Variants in CPNE5 observed in about 807,000 individuals in gnomAD.
The protein encoded by CPNE5 is copine-5.
Under a neutral mutation model 81.1 loss-of-function variants are expected in CPNE5, and 42 were observed. The ratio of observed to expected loss-of-function variants is 0.52; its 90% CI spans 0.40 to 0.67. CPNE5 has a LOEUF of 0.67. Among genes scored for constraint, CPNE5 ranks in the 30% least tolerant of loss-of-function variants. The pLI is 0.00. For missense variants in CPNE5, 612 were observed against 815.5 expected, an observed-to-expected ratio of 0.75 and a Z score of 3.04; for synonymous variants, 313 against 321.5, an observed-to-expected ratio of 0.97 and a Z score of 0.28.
intron 12 of CPNE5, among the ~76,000 whole-genome samples, chr6:36,757,913 G>A (rs965652786): frequency 3.9e-5 from 6 of 152,120 alleles, no homozygotes; most frequent in African/African-American, 1.4e-4. Flanking sequence ...AAGCTGGGCT[G>A]GTTGGAGGAG....
At chr6:36,744,796 G>C (rs1408423704) in intron 18 of CPNE5, among the ~76,000 whole-genome samples, 8 of 152,208 alleles carry the variant, frequency 5.3e-5, no homozygotes, top group African/African-American at 1.9e-4. Context: ...GAGCTCACCA[G>C]CCAGATCTCT....
intron 9 of CPNE5, among the ~76,000 whole-genome samples, chr6:36,775,544 T>C (rs236421): frequency 0.94 from 142,406 of 152,268 alleles, 66,693 homozygotes; most frequent in East Asian, 0.99. Flanking sequence ...GTGCCTGCTG[T>C]TCCCCTGGCC....
intron 16 of CPNE5, 64 bp from the exon 17 acceptor site, chr6:36,745,579 G>A: frequency 6.6e-7 from 1 of 1,519,732 alleles, no homozygotes. Flanking sequence ...CGATGTGTGG[G>A]AACTGAGTCC....
intron 8 of CPNE5, among the ~76,000 whole-genome samples, chr6:36,791,231 T>C (rs1769064482): frequency 6.6e-6 from 1 of 152,182 alleles, no homozygotes; most frequent in African/African-American, 2.4e-5. Flanking sequence ...AGAATCAAGC[T>C]GACCTGGAGT....
chr6:36,768,980 G>A (rs961040383), intron 10 of CPNE5, among the ~76,000 whole-genome samples: 5 of 152,134 alleles, frequency 3.3e-5, no homozygotes, highest in African/African-American at 1.2e-4. Context: ...CTATCTCCAC[G>A]TACAGTCAGC....
At chr6:36,832,408 C>T (rs1773048141) in intron 1 of CPNE5, among the ~76,000 whole-genome samples, 1 of 152,104 alleles carries the variant, frequency 6.6e-6, no homozygotes, top group Non-Finnish European at 1.5e-5. Context: ...AGCTTTGGCC[C>T]CTGAAATAGA....
intron 12 of CPNE5, among the ~76,000 whole-genome samples, chr6:36,756,936 G>C (rs547495504): frequency 6.6e-6 from 1 of 152,318 alleles, no homozygotes; most frequent in African/African-American, 2.4e-5. Context: ...CTCAACCAGG[G>C]GCGATTTTAC....
At chr6:36,785,934 A>G (rs1582881067) in intron 8 of CPNE5, among the ~76,000 whole-genome samples, 1 of 143,492 alleles carries the variant, frequency 7.0e-6, no homozygotes, top group South Asian at 2.2e-4. Flanking sequence ...AATTGCTTGA[A>G]CCCGGGAGGA....
At chr6:36,743,243 G>C in intron 20 of CPNE5, 1 of 985,370 alleles carries the variant, frequency 1.0e-6, no homozygotes, top group Non-Finnish European at 1.2e-6. Flanking sequence ...ATTCCCTGAG[G>C]ACAAAGGTCT....
At chr6:36,839,685 C>A (rs1455674360), upstream of CPNE5, 9 of 290,102 alleles carry the variant, frequency 3.1e-5, no homozygotes, top group South Asian at 3.7e-4. This position sits in a 1 kb window ranked among gnomAD's most constrained non-coding sequence, Gnocchi z 7.3. Context: ...GGGAGAGGGG[C>A]TCGGGGAGAG....
chr6:36,839,816 G>C (rs9470416), upstream of CPNE5: 1 of 153,008 alleles, frequency 6.5e-6, no homozygotes, highest in Non-Finnish European at 1.5e-5. This position sits in a 1 kb window ranked among gnomAD's most constrained non-coding sequence, Gnocchi z 7.3. Flanking sequence ...GGGAGGCGCC[G>C]GATGGGGCGC....
intron 14 of CPNE5, among the ~76,000 whole-genome samples, chr6:36,749,963 T>C (rs1055338443): frequency 2.0e-5 from 3 of 152,252 alleles, no homozygotes; most frequent in Non-Finnish European, 4.4e-5. Context: ...TCTAGTCTTA[T>C]GGTTCTCACA....
chr6:36,744,227 G>C (rs1162433765), intron 19 of CPNE5, 41 bp downstream of exon 19: 1 of 1,522,052 alleles, frequency 6.6e-7, no homozygotes, highest in Admixed American at 2.0e-5. Flanking sequence ...GGGTTGCGTG[G>C]CTAGGGAAGG....
intron 12 of CPNE5, among the ~76,000 whole-genome samples, chr6:36,761,218 C>T (rs886509603): frequency 3.3e-5 from 5 of 151,126 alleles, no homozygotes; most frequent in African/African-American, 9.7e-5. Flanking sequence ...TGGGGTGGGG[C>T]GGGGGAGCGG....
rs191798656 is a variant in CPNE5 at position 36,809,049 on chromosome 6, G to A, written c.184-8979C>T. Among the ~76,000 whole-genome samples the A allele has an allele frequency of 2.6e-5, 4 of 152,270 alleles. No homozygotes were observed. The East Asian group carries it at 7.7e-4, about 29-fold the overall frequency. On this transcript the variant is annotated intron_variant, in intron 3 of 20. Transcript: ENST00000244751. ...CCCTGTAGTTTCTCTACTCCCTAGC[G>A]CAGTCTCTGAACTTCTGGGATTACT...
chr6:36,774,066 T>G (rs1767280053), intron 10 of CPNE5, among the ~76,000 whole-genome samples: 2 of 136,188 alleles, frequency 1.5e-5, no homozygotes, highest in East Asian at 2.1e-4. Flanking sequence ...GGTGAAAGAG[T>G]GAAATCCCAT....
chr6:36,752,797 G>A lies in CPNE5; in HGVS notation c.971+237C>T, dbSNP rs374745339. Among the ~76,000 whole-genome samples, 5 of 152,328 alleles carry A rather than the reference G, an allele frequency of 3.3e-5. No homozygotes were observed. In the East Asian group the frequency reaches 9.6e-4, roughly 29 times the overall value. On this transcript the variant is annotated intron_variant, in intron 14 of 20. Coordinates refer to ENST00000244751, the MANE Select transcript of CPNE5 (RefSeq NM_020939.2). ...CTGTCTCTGCATGGAGACCTGACAT[G>A]ACCCAGGCCAGCCTCCTTGGCTCAG...
At chr6:36,828,275 T>C (rs1427168545) in intron 1 of CPNE5, among the ~76,000 whole-genome samples, 1 of 128,328 alleles carries the variant, frequency 7.8e-6, no homozygotes, top group African/African-American at 3.1e-5. Context: ...AGCAACACAG[T>C]GAGATTCCAT....
intron 13 of CPNE5, among the ~76,000 whole-genome samples, chr6:36,753,367 G>A (rs1765056309): frequency 6.6e-6 from 1 of 152,236 alleles, no homozygotes. Flanking sequence ...TTCAGAGCCT[G>A]CACTCTTGAC....
Sources: allele counts gnomAD v4.1 joint callset (sites outside exome capture counted in the v4.1 genomes callset), GRCh38; gene constraint gnomAD v4.1.1; non-coding constraint Gnocchi (gnomAD v3.1); transcripts MANE v1.5; gene names NCBI Gene and HGNC (gene_info 2026-07-23, HGNC 2026-07-21).